THSD4: variants seen among roughly 807,000 people sequenced by gnomAD.
THSD4 encodes the protein thrombospondin type-1 domain-containing protein 4.
THSD4 carries 69 observed loss-of-function variants against 119.0 expected under a neutral mutation model. That is an observed-to-expected ratio of 0.58 (90% confidence interval 0.48 to 0.71). The LOEUF (loss-of-function observed/expected upper bound fraction) is 0.71. Ranked by LOEUF, THSD4 falls within the 30% of genes least tolerant of loss-of-function variation. The pLI, the probability that THSD4 is intolerant of heterozygous loss-of-function variation, is 0.00. For synonymous variants in THSD4, 524 were observed against 540.4 expected (o/e 0.97, Z 0.42); for missense variants, 1,393 against 1,391.1 (o/e 1.00, Z -0.02).
At chr15:71,502,902 C>G (rs952519434) in intron 7 of THSD4, among the ~76,000 whole-genome samples, 1 of 152,176 alleles carries the variant, frequency 6.6e-6, no homozygotes, top group Non-Finnish European at 1.5e-5. Context: ...TTGTATGTGC[C>G]AGGTGCCGCA....
chr15:71,534,340 A>G (rs2048659158), intron 7 of THSD4, among the ~76,000 whole-genome samples: 1 of 152,200 alleles, frequency 6.6e-6, no homozygotes, highest in African/African-American at 2.4e-5. Flanking sequence ...AGTAATGGGC[A>G]TTTATCCTTC....
Position 71,728,653 on chromosome 15 carries a change from A to C in THSD4, c.1462A>C (p.Asn488His). 6.2e-7 allele frequency: 1 copy of C among 1,614,236 alleles called. No individual in the cohort carries two copies. The highest frequency in any genetic ancestry group is 8.5e-7 in the Non-Finnish European group (1 of 1,180,040). Residue 488 changes from asparagine (N) to histidine (H), a missense_variant, in exon 9 of 18, where the codon AAT (asparagine) becomes CAT (histidine). By Grantham distance (68) the Asn-to-His change is moderately conservative. Coordinates refer to ENST00000261862, the MANE Select transcript of THSD4 (RefSeq NM_024817.3). ...GGTMFTYKRP[N>H]EISSTAGESF... ...GACCATGTTCACCTACAAGCGTCCA[A>C]ATGAGATTTCGAGCACTGCCGGAGA...
intron 6 of THSD4, among the ~76,000 whole-genome samples, chr15:71,306,452 C>G (rs928553204): frequency 1.3e-5 from 2 of 151,132 alleles, no homozygotes; most frequent in East Asian, 3.9e-4. Context: ...ATTTATCTTT[C>G]TTCAAAGCCT....
chr15:71,275,466 C>A (rs1180952737), intron 6 of THSD4, among the ~76,000 whole-genome samples: 1 of 152,070 alleles, frequency 6.6e-6, no homozygotes, highest in Admixed American at 6.6e-5. Context: ...CTTGCATGGA[C>A]CTTGAGATAT....
At chr15:71,426,206 A>G (rs568832319) in intron 7 of THSD4, among the ~76,000 whole-genome samples, 2 of 152,238 alleles carry the variant, frequency 1.3e-5, no homozygotes, top group South Asian at 4.1e-4. Context: ...CTGGGACACC[A>G]CTTGGCTTCC....
intron 5 of THSD4, among the ~76,000 whole-genome samples, chr15:71,249,897 C>G (rs2140281481): frequency 7.4e-6 from 1 of 134,844 alleles, no homozygotes; most frequent in Middle Eastern, 4.1e-3. Context: ...CCCTTTCCTT[C>G]CACTCCTGCT....
rs534417360 is a variant in THSD4, at chr15:71,614,898, C to T, written c.1153-45632C>T. On this transcript the variant is annotated intron_variant, in intron 7 of 17. Coordinates refer to ENST00000261862, the MANE Select transcript of THSD4 (RefSeq NM_024817.3). ...AGTATAAGCAAACATCCCAGAGGTT[C>T]AAGTTAACTGAGGCCGACTCCTGGC... Among the ~76,000 whole-genome samples the T allele has an allele frequency of 5.9e-5, 9 of 152,212 alleles. No homozygotes were observed. In the South Asian group the frequency reaches 1.9e-3, roughly 32 times the overall value.
intron 7 of THSD4, among the ~76,000 whole-genome samples, chr15:71,508,152 C>T (rs979185726): frequency 2.6e-5 from 4 of 152,148 alleles, no homozygotes; most frequent in African/African-American, 9.7e-5. Context: ...TCATATAGCT[C>T]ATGTTGAAGC....
At chr15:71,262,543 A>G (rs1022128491) in intron 6 of THSD4, among the ~76,000 whole-genome samples, 5 of 152,130 alleles carry the variant, frequency 3.3e-5, no homozygotes, top group East Asian at 1.9e-4. Context: ...CTGGGTTGCT[A>G]TAGGCTATAG....
At chr15:71,576,482 A>G (rs772051414) in intron 7 of THSD4, among the ~76,000 whole-genome samples, 6 of 152,234 alleles carry the variant, frequency 3.9e-5, no homozygotes, top group Non-Finnish European at 8.8e-5. Flanking sequence ...CGTCACCTCC[A>G]GAAAGCTACA....
intron 6 of THSD4, among the ~76,000 whole-genome samples, chr15:71,380,704 T>G (rs1389053720): frequency 6.6e-6 from 1 of 151,598 alleles, no homozygotes; most frequent in Non-Finnish European, 1.5e-5. Flanking sequence ...TGCAAAATAG[T>G]CTGACTCAAA....
At chr15:71,202,654 G>A (rs556692936) in intron 3 of THSD4, among the ~76,000 whole-genome samples, 4 of 152,176 alleles carry the variant, frequency 2.6e-5, no homozygotes, top group Admixed American at 6.5e-5. Context: ...AAATTCAGCC[G>A]TTTTCCCCCA....
chr15:71,452,597 G>A (rs1177380914), intron 7 of THSD4, among the ~76,000 whole-genome samples: 1 of 151,800 alleles, frequency 6.6e-6, no homozygotes, highest in East Asian at 1.9e-4. Flanking sequence ...GGGGCCTTTA[G>A]GAGGTAAATT....
rs576902683 is a variant in THSD4 at position 71,671,279 on chromosome 15, T to C, written c.1357+10545T>C. ...ATGTGTCTGTTGGCTGCATAAATGTTTTCTTTTGAGAAGTGTCTGTTCATA... is the reference window on the plus strand; with the variant it reads ...ATGTGTCTGTTGGCTGCATAAATGTCTTCTTTTGAGAAGTGTCTGTTCATA... On this transcript the variant is annotated intron_variant, in intron 8 of 17. Coordinates refer to ENST00000261862, the MANE Select transcript of THSD4 (RefSeq NM_024817.3). 3.2e-4 allele frequency among the ~76,000 whole-genome samples: 48 copies of C among 152,322 alleles called. No homozygotes were observed. The South Asian group carries it at 9.1e-3, about 29-fold the overall frequency.
chr15:71,604,412 A>T (rs1180719239), intron 7 of THSD4, among the ~76,000 whole-genome samples: 2 of 152,200 alleles, frequency 1.3e-5, no homozygotes, highest in African/African-American at 4.8e-5. Context: ...ATCCTTCCAC[A>T]ATGGTTACTT....
intron 7 of THSD4, among the ~76,000 whole-genome samples, chr15:71,507,007 C>T (rs1368557229): frequency 6.6e-6 from 1 of 152,244 alleles, no homozygotes; most frequent in Non-Finnish European, 1.5e-5. Context: ...CACATACACA[C>T]ACACTCACAC....
At chr15:71,231,421 A>G (rs1445465346) in intron 4 of THSD4, among the ~76,000 whole-genome samples, 1 of 152,112 alleles carries the variant, frequency 6.6e-6, no homozygotes, top group Non-Finnish European at 1.5e-5. Context: ...TGGTGCAAAA[A>G]AAGCCCTTTA....
chr15:71,328,833 G>A (rs779926285), intron 6 of THSD4, among the ~76,000 whole-genome samples: 8 of 152,182 alleles, frequency 5.3e-5, no homozygotes, highest in Non-Finnish European at 7.3e-5. Context: ...TTTGCTCATT[G>A]TGTTCCTTAG....
chr15:71,368,496 C>T lies in THSD4; in HGVS notation c.1016-43191C>T, dbSNP rs943896303. Among the ~76,000 whole-genome samples, 134 of 152,108 alleles carry T rather than the reference C, an allele frequency of 8.8e-4. 1 individual carries two copies. The highest frequency in any genetic ancestry group is 2.7e-3 in the African/African-American group (111 of 41,520). ...AGGAAGGGATCCAGTTTCAGCTTTC[C>T]ACATATGGCTAGCCAGTTTTCCCAG... On this transcript the variant is annotated intron_variant, in intron 6 of 17. Transcript: ENST00000261862.
Sources: allele counts gnomAD v4.1 joint callset (sites outside exome capture counted in the v4.1 genomes callset), GRCh38; gene constraint gnomAD v4.1.1; transcripts MANE v1.5; gene names NCBI Gene and HGNC (gene_info 2026-07-23, HGNC 2026-07-21).